The following FOXK1 variants were observed in gnomAD, a reference collection of about 807,000 sequenced individuals.
The protein encoded by FOXK1 is forkhead box protein K1.
A neutral mutation model predicts 51.9 loss-of-function variants in FOXK1; 19 were observed. The ratio of observed to expected loss-of-function variants is 0.37; its 90% CI spans 0.26 to 0.54. FOXK1 has a LOEUF of 0.54. FOXK1 is among the 20% of genes least tolerant of loss of function. The pLI is 0.87. For missense variants in FOXK1, 870 were observed against 1,032.7 expected, an observed-to-expected ratio of 0.84 and a Z score of 2.16; for synonymous variants, 537 against 482.6, an observed-to-expected ratio of 1.11 and a Z score of -1.48.
chr7:4,751,777 G>A (rs1039783200), intron 2 of FOXK1, among the ~76,000 whole-genome samples: 5 of 152,242 alleles, frequency 3.3e-5, no homozygotes, highest in African/African-American at 7.2e-5. Flanking sequence ...TACCTGTCCC[G>A]GCTGGAGTGA....
intron 1 of FOXK1, among the ~76,000 whole-genome samples, chr7:4,702,077 A>G (rs1780027578): frequency 6.6e-6 from 1 of 152,140 alleles, no homozygotes; most frequent in Non-Finnish European, 1.5e-5. Context: ...CCTGTCTCAA[A>G]AAAAACCCCA....
chr7:4,706,258 G>A (rs577220351), intron 1 of FOXK1, among the ~76,000 whole-genome samples: 16 of 151,928 alleles, frequency 1.1e-4, no homozygotes, highest in Non-Finnish European at 1.5e-4. Flanking sequence ...TATTCACAAC[G>A]GCTGCTGATC....
intron 1 of FOXK1, among the ~76,000 whole-genome samples, chr7:4,739,595 G>A (rs563597509): frequency 2.6e-5 from 4 of 152,312 alleles, no homozygotes; most frequent in South Asian, 4.1e-4. Context: ...TGACCCTGAC[G>A]CTTGCGGCTG....
intron 1 of FOXK1, among the ~76,000 whole-genome samples, chr7:4,684,680 G>GC (rs1278569851): frequency 6.6e-6 from 1 of 152,126 alleles, no homozygotes; most frequent in Non-Finnish European, 1.5e-5. Context: ...CCCCTTAGAG[G>GC]CCTGCTTTAC....
At position 4,737,690 on chromosome 7, in the gene FOXK1, C is replaced by G. The variant is rs79963998; in HGVS notation, c.561-3148C>G. Among the ~76,000 whole-genome samples, 585 of 152,306 alleles carry G rather than the reference C, an allele frequency of 3.8e-3. 5 individuals carry two copies. The highest frequency in any genetic ancestry group is 8.8e-3 in the Admixed American group (134 of 15,286). ...TCAGCCAGATGCTGGCCCCAAACCTCTTTCCTTGCTTCCCTAGGTCAGGGA... is the reference window on the plus strand; with the variant it reads ...TCAGCCAGATGCTGGCCCCAAACCTGTTTCCTTGCTTCCCTAGGTCAGGGA... On this transcript the variant is annotated intron_variant, in intron 1 of 8. Coordinates refer to ENST00000328914, the MANE Select transcript of FOXK1 (RefSeq NM_001037165.2).
rs376839355 is a variant in FOXK1, at chr7:4,689,131, C to T, written c.560+6263C>T. ...TAGCTGGGATTACAGGCATCCACCA[C>T]CACGCCTGGCTAATTTTTGTATTTT... On this transcript the variant is annotated intron_variant, in intron 1 of 8. Transcript: ENST00000328914. Among the ~76,000 whole-genome samples, 14 of 152,230 alleles carry T rather than the reference C, an allele frequency of 9.2e-5. No homozygotes were observed. In the East Asian group the frequency reaches 2.5e-3, roughly 27 times the overall value.
rs1056743732 is a variant in FOXK1 at position 4,731,530 on chromosome 7, C to T, written c.561-9308C>T. 1.6e-4 allele frequency among the ~76,000 whole-genome samples: 25 copies of T among 152,110 alleles called. No homozygotes were observed. The highest frequency in any genetic ancestry group is 6.5e-4 in the Admixed American group (10 of 15,272). Reference sequence around the variant, plus strand: ...ATCCCAGCACTTTGGGAGGCCAAAGCGGGTGCATCACCTGAGGTCAGGAGT... The same window carrying T: ...ATCCCAGCACTTTGGGAGGCCAAAGTGGGTGCATCACCTGAGGTCAGGAGT... On this transcript the variant is annotated intron_variant, in intron 1 of 8. Coordinates refer to ENST00000328914, the MANE Select transcript of FOXK1 (RefSeq NM_001037165.2). This position sits in a 1 kb window ranked among gnomAD's most constrained non-coding sequence, Gnocchi z 5.3.
In FOXK1 at chr7:4,754,115, G is replaced by A. The variant is rs926444451; in HGVS notation, c.747-344G>A. Among the ~76,000 whole-genome samples, 6 of 152,152 alleles carry A rather than the reference G, an allele frequency of 3.9e-5. No homozygotes were observed. The East Asian group carries it at 5.8e-4, about 15-fold the overall frequency. On this transcript the variant is annotated intron_variant, in intron 2 of 8. Transcript: ENST00000328914. Reference sequence around the variant, plus strand: ...GCAGCCCGCGGAGGCTACCTGCTCCGGGTGCACATCCTGTAGGGGTGTGTG... The same window carrying A: ...GCAGCCCGCGGAGGCTACCTGCTCCAGGTGCACATCCTGTAGGGGTGTGTG...
chr7:4,759,402 C>T lies in FOXK1; in HGVS notation c.1503C>T (p.Ser501=). 1 of 1,601,766 alleles carries T rather than the reference C, an allele frequency of 6.2e-7. No homozygotes were observed. Among genetic ancestry groups the T allele is most frequent in the Non-Finnish European group, 8.5e-7 (1 of 1,178,690 alleles). ...AGCCCGTGGCCTACATGCCCGCCTCCATCGTAACCTCACAGCAGCCCGCGG... is the reference window on the plus strand; with the variant it reads ...AGCCCGTGGCCTACATGCCCGCCTCTATCGTAACCTCACAGCAGCCCGCGG... ...VAKPVAYMPA[S]IVTSQQPAGH... is the part of the protein sequence containing the mutation. Residue 501 remains serine (S), a synonymous_variant, in exon 7 of 9, where the codon TCC becomes TCT. Transcript: ENST00000328914.
At position 4,755,407 on chromosome 7, in the gene FOXK1, G is replaced by A. The variant is rs772916310; in HGVS notation, c.1050+24G>A. The A allele has an allele frequency of 3.1e-6, 5 of 1,612,010 alleles. No homozygotes were observed. In the East Asian group the frequency reaches 1.1e-4, roughly 36 times the overall value. On this transcript the variant is annotated intron_variant, in intron 4 of 8. Transcript: ENST00000328914. The surrounding 1 kb of genome is among the most constrained non-coding windows in gnomAD (Gnocchi z 6.6). ...AGGTGAAGCCGAGTCCCCAGGGCCGGATCGCCTCTGAAGGCCCTTAGAACA... is the reference window on the plus strand; with the variant it reads ...AGGTGAAGCCGAGTCCCCAGGGCCGAATCGCCTCTGAAGGCCCTTAGAACA...
chr7:4,706,257 C>G (rs954586894), intron 1 of FOXK1, among the ~76,000 whole-genome samples: 1 of 151,960 alleles, frequency 6.6e-6, no homozygotes, highest in African/African-American at 2.4e-5. Flanking sequence ...ATATTCACAA[C>G]GGCTGCTGAT....
In FOXK1 at chr7:4,766,829, A is replaced by C. The variant is rs1235872128; in HGVS notation, c.*4365A>C. ...GGCCCTCCCTGGAGCACCCCCGGGG[A>C]GCTGGGACTCTCCAGAAAGCCCCGG... On this transcript the variant is annotated 3_prime_UTR_variant, in exon 9 of 9. Transcript: ENST00000328914. The surrounding 1 kb of genome is among the most constrained non-coding windows in gnomAD (Gnocchi z 5.5). 6.6e-6 allele frequency: 1 copy of C among 152,150 alleles called. No individual in the cohort carries two copies. Among genetic ancestry groups the C allele is most frequent in the Admixed American group, 6.5e-5 (1 of 15,278 alleles). 9.4% of individuals were successfully genotyped at this position (152,150 alleles called of 1,614,324 possible). A position where few individuals can be genotyped will look rare whatever the true frequency, so the allele number is the denominator to read the frequency against.
At chr7:4,759,251 C>T (rs376544531) in intron 6 of FOXK1, 34 bp downstream of exon 6, 27 of 714,894 alleles carry the variant, frequency 3.8e-5, no homozygotes, top group Admixed American at 5.8e-5. Context: ...CGGGGCGGGG[C>T]GGGGCGGGAC....
At position 4,755,172 on chromosome 7, in the gene FOXK1, C is replaced by T. The variant is rs1444069541; in HGVS notation, c.904-65C>T. 13 of 1,577,800 alleles carry T rather than the reference C, an allele frequency of 8.2e-6. No homozygotes were observed. The highest frequency in any genetic ancestry group is 1.7e-4 in the Middle Eastern group (1 of 5,956). ...GAAGGTTCCTCCCCATCAGCTGTGA[C>T]GGGTGGGTGGGGTAGACTCAGGGAC... is the stretch of plus-strand genomic sequence containing the variant. On this transcript the variant is annotated intron_variant, in intron 3 of 8. Coordinates refer to ENST00000328914, the MANE Select transcript of FOXK1 (RefSeq NM_001037165.2). This position sits in a 1 kb window ranked among gnomAD's most constrained non-coding sequence, Gnocchi z 6.6.
chr7:4,759,168 G>A lies in FOXK1; in HGVS notation c.1362G>A (p.Gly454=), dbSNP rs541838185. The change falls in exon 6 of 9, where the codon GGG becomes GGA. Residue 454 remains glycine (G), a synonymous_variant. Transcript: ENST00000328914. ...GSPIPHDPEF[G]SKLASVPEYR... is the part of the protein sequence containing the mutation. ...CCATTCCACACGACCCTGAGTTTGG[G>A]TCCAAGTTAGCTTCTGTCCCAGAGT... 4.3e-6 allele frequency: 7 copies of A among 1,612,776 alleles called. No homozygotes were observed. Among genetic ancestry groups the A allele is most frequent in the African/African-American group, 4.0e-5 (3 of 75,046 alleles).
In FOXK1 at chr7:4,714,936, G is replaced by A. The variant is rs150145560; in HGVS notation, c.561-25902G>A. Among the ~76,000 whole-genome samples, 16 of 152,290 alleles carry A rather than the reference G, an allele frequency of 1.1e-4. No homozygotes were observed. In the East Asian group the frequency reaches 2.7e-3, roughly 26 times the overall value. ...GTGCTTTTGGGAAGTCTGCGTGCAC[G>A]TGGAGTTGTGTGTATTCAGGGAGTG... On this transcript the variant is annotated intron_variant, in intron 1 of 8. Transcript: ENST00000328914.
At chr7:4,705,948 ATATATATATATG>A (rs1562372890) in intron 1 of FOXK1, among the ~76,000 whole-genome samples, 1 of 130,624 alleles carries the variant, frequency 7.7e-6, no homozygotes. Context: ...TTTCAAAATT[ATATATATATATG>A]TATATATATA....
At chr7:4,687,183 C>T (rs569932591) in intron 1 of FOXK1, among the ~76,000 whole-genome samples, 215 of 152,196 alleles carry the variant, frequency 1.4e-3, no homozygotes, top group African/African-American at 4.7e-3. Flanking sequence ...CCACCCTCCT[C>T]GGCCTTCCAA....
rs1780668811 is a variant in FOXK1 at position 4,743,971 on chromosome 7, G to A, written c.746+2948G>A. ...GGCTCAGTGCAAGCTCCACCTCCCT[G>A]GTTCAAGCAATTCCCCTGTCTCAGC... is the stretch of plus-strand genomic sequence containing the variant. On this transcript the variant is annotated intron_variant, in intron 2 of 8. Coordinates refer to ENST00000328914, the MANE Select transcript of FOXK1 (RefSeq NM_001037165.2). The surrounding 1 kb of genome is among the most constrained non-coding windows in gnomAD (Gnocchi z 5.3). Among the ~76,000 whole-genome samples the A allele has an allele frequency of 6.6e-6, 1 of 151,616 alleles. No homozygotes were observed. The highest frequency in any genetic ancestry group is 1.5e-5 in the Non-Finnish European group (1 of 67,956).
Sources: gnomAD v4.1 joint callset for allele counts (sites outside exome capture counted in the v4.1 genomes callset) on GRCh38, gnomAD v4.1.1 for gene constraint, Gnocchi (gnomAD v3.1) non-coding constraint, MANE v1.5 for transcripts, NCBI Gene and HGNC (gene_info 2026-07-23, HGNC 2026-07-21) for gene names.